Variants in CYP11A1 observed in about 807,000 individuals in gnomAD.
CYP11A1 encodes the protein cholesterol side-chain cleavage enzyme, mitochondrial.
CYP11A1 carries 25 observed loss-of-function variants against 51.9 expected under a neutral mutation model. That is an observed-to-expected ratio of 0.48 (90% CI 0.35 to 0.67). The LOEUF (loss-of-function observed/expected upper bound fraction) is 0.67. Ranked by LOEUF, CYP11A1 falls within the 30% of genes least tolerant of loss-of-function variation. CYP11A1 has a pLI of 0.00. For missense variants in CYP11A1, 578 were observed against 680.9 expected (o/e 0.85, Z 1.68); for synonymous variants, 245 against 262.1 (o/e 0.93, Z 0.63).
rs753531363 is a variant in CYP11A1, at chr15:74,338,714, CGAA to C, written c.1288_1290del (p.Phe430del). On this transcript the variant is annotated inframe_deletion, in exon 8 of 9. Coordinates refer to ENST00000268053, the MANE Select transcript of CYP11A1 (RefSeq NM_000781.3). ...CGGGTTGGGTCAAAATTTTCCGGGT[CGAA>C]GAAGAAGGTGGGCTCTCGGCCCAGA... 7 of 1,614,144 alleles carry C rather than the reference CGAA, an allele frequency of 4.3e-6. No individual in the cohort carries two copies. The highest frequency in any genetic ancestry group is 1.3e-5 in the African/African-American group (1 of 75,018).
Position 74,343,335 on chromosome 15 carries a change from C to T in CYP11A1, c.830-198G>A, listed in dbSNP as rs1169412298. The stretch of plus-strand genomic sequence containing the variant: ...TTCATCGAATTCTTGGGGTATGTGA[C>T]ATCATCCCCATTTTACAGATAACAG... On this transcript the variant is annotated intron_variant, in intron 4 of 8. Coordinates refer to ENST00000268053, the MANE Select transcript of CYP11A1 (RefSeq NM_000781.3). 3.3e-5 allele frequency among the ~76,000 whole-genome samples: 5 copies of T among 152,260 alleles called. No homozygotes were observed. The East Asian group carries it at 7.7e-4, about 23-fold the overall frequency.
chr15:74,363,489 C>T (rs1004661396), intron 1 of CYP11A1: 2 of 152,186 alleles, frequency 1.3e-5, no homozygotes, highest in Admixed American at 6.5e-5. Context: ...CTCACCCAGC[C>T]GTGAGTAAAC....
rs1045718823 is a variant in CYP11A1, at chr15:74,361,533, G to C, written c.269+5784C>G. On this transcript the variant is annotated intron_variant, in intron 1 of 8. Coordinates refer to ENST00000268053, the MANE Select transcript of CYP11A1 (RefSeq NM_000781.3). ...TTGCAGATGCCGTCACTGCCACCAG[G>C]AGCCCTGTACTATCAGCCATGGTCA... is the stretch of plus-strand genomic sequence containing the variant. 9.3e-6 allele frequency: 6 copies of C among 645,804 alleles called. No individual in the cohort carries two copies. In the African/African-American group the frequency reaches 1.1e-4, roughly 12 times the overall value. The allele number at this position is 645,804 out of a possible 1,614,324, so 40.0% of individuals were successfully genotyped here.
intron 8 of CYP11A1, 104 bp downstream of exon 8, chr15:74,338,467 A>C: frequency 8.3e-7 from 1 of 1,203,830 alleles, no homozygotes; most frequent in Non-Finnish European, 1.2e-6. Context: ...GCGCCCCAGC[A>C]CTGACATCCT....
intron 1 of CYP11A1, 65 bp downstream of exon 1, chr15:74,367,252 C>T (rs2060738127): frequency 6.3e-7 from 1 of 1,593,692 alleles, no homozygotes. Context: ...GTGGGGACTA[C>T]AGCAGGGCTA....
Position 74,347,966 on chromosome 15 carries a change from CG to C in CYP11A1, c.358del (p.Arg120AspfsTer18), listed in dbSNP as rs1287871034. The C allele has an allele frequency of 2.5e-6, 4 of 1,614,078 alleles. No individual in the cohort carries two copies. The highest frequency in any genetic ancestry group is 3.4e-6 in the Non-Finnish European group (4 of 1,180,048). On this transcript the variant is annotated frameshift_variant, in exon 2 of 9. Transcript: ENST00000268053. LOFTEE classifies it high-confidence loss of function. The stretch of plus-strand genomic sequence containing the variant: ...GGCGACCCAGGGCGGGATGAGGAAT[CG>C]TTCTGGGTTGGGGCCCTCGGACTTA... ...LFKSEGPNPE[R>X]FLIPPWVAYH...
At chr15:74,343,733 G>A (rs560754203) in intron 4 of CYP11A1, 56 bp downstream of exon 4, 310 of 1,493,780 alleles carry the variant, frequency 2.1e-4, no homozygotes, top group Non-Finnish European at 2.8e-4. Context: ...TGGGACAAAG[G>A]AGCCGGCTGA....
intron 1 of CYP11A1, chr15:74,366,277 ATTT>A (rs759681873): frequency 0.011 from 8,121 of 765,246 alleles, no homozygotes; most frequent in South Asian, 0.013. Flanking sequence ...CCCTCCCCCG[ATTT>A]TTTTTTTTTT....
chr15:74,337,992 G>A lies in CYP11A1; in HGVS notation c.1546C>T (p.Gln516Ter), dbSNP rs1368450780. The change falls in exon 9 of 9, where the codon CAG (glutamine) becomes TAG (stop). Residue 516 changes from glutamine (Q) to a stop codon, truncating the protein, a stop_gained. Transcript: ENST00000268053. LOFTEE classifies it high-confidence loss of function. Reference protein sequence around the residue: ...PISFTFWPFNQEATQQ With the variant: ...PISFTFWPFN ...TCTGATCACTGCTGGGTTGCTTCCTGGTTAAAGGGCCAGAAGGTGAAGGAG... is the reference window on the plus strand; with the variant it reads ...TCTGATCACTGCTGGGTTGCTTCCTAGTTAAAGGGCCAGAAGGTGAAGGAG... 3 of 1,614,106 alleles carry A rather than the reference G, an allele frequency of 1.9e-6. No homozygotes were observed. Among genetic ancestry groups the A allele is most frequent in the Non-Finnish European group, 2.5e-6 (3 of 1,180,028 alleles).
intron 1 of CYP11A1, chr15:74,365,513 G>T: frequency 4.2e-6 from 1 of 240,046 alleles, no homozygotes; most frequent in Non-Finnish European, 6.7e-6. Context: ...AAGGTGTGCG[G>T]AGGGTAACGG....
intron 8 of CYP11A1, 114 bp downstream of exon 8, chr15:74,338,457 G>T: frequency 9.1e-7 from 1 of 1,100,090 alleles, no homozygotes. Context: ...GGAGGTAGAT[G>T]CGCCCCAGCA....
chr15:74,359,680 C>T (rs369966311), intron 1 of CYP11A1: 6 of 152,256 alleles, frequency 3.9e-5, no homozygotes, highest in Admixed American at 1.3e-4. Flanking sequence ...TATCTCCCTT[C>T]GCTGACTCTC....
At chr15:74,360,448 T>A (rs533300387) in intron 1 of CYP11A1, among the ~76,000 whole-genome samples, 77 of 152,084 alleles carry the variant, frequency 5.1e-4, no homozygotes, top group African/African-American at 1.8e-3. Flanking sequence ...ACCTGGCTAA[T>A]TTTTTATTAT....
chr15:74,347,910 C>T lies in CYP11A1; in HGVS notation c.415G>A (p.Val139Ile). 6.2e-7 allele frequency: 1 copy of T among 1,614,196 alleles called. No individual in the cohort carries two copies. ...TGGCCCAGGACTCACTTCAACAGGA[C>T]TCCTATGGGTCTCTGGTAATACTGG... ...YHQYYQRPIGVLLKKSAAWKK... is the reference protein window; with the variant it reads ...YHQYYQRPIGILLKKSAAWKK... The change falls in exon 2 of 9, where the codon GTC becomes ATC. Residue 139 changes from valine (V) to isoleucine (I), a missense_variant. Transcript: ENST00000268053.
In CYP11A1 at chr15:74,345,468, CA is replaced by C. The variant is rs2060628885; in HGVS notation, c.426-226del. The stretch of plus-strand genomic sequence containing the variant: ...AAGGAAAAAAGAGAGTGAAGGGGAA[CA>C]AAACTCCAACTCCCCTCCACTCCCT... On this transcript the variant is annotated intron_variant, in intron 2 of 8. Transcript: ENST00000268053. This position sits in a 1 kb window ranked among gnomAD's most constrained non-coding sequence, Gnocchi z 4.3. Among the ~76,000 whole-genome samples the C allele has an allele frequency of 6.6e-6, 1 of 152,168 alleles. No homozygotes were observed. Among genetic ancestry groups the C allele is most frequent in the Non-Finnish European group, 1.5e-5 (1 of 68,034 alleles).
At chr15:74,354,412 A>C (rs984186718) in intron 1 of CYP11A1, 1 of 151,964 alleles carries the variant, frequency 6.6e-6, no homozygotes, top group African/African-American at 2.4e-5. Flanking sequence ...ATCCTATAAA[A>C]CAGCCCCACC....
chr15:74,337,814 G>C lies in CYP11A1; in HGVS notation c.*158C>G, dbSNP rs2060585656. 1.1e-6 allele frequency: 1 copy of C among 899,564 alleles called. No homozygotes were observed. The highest frequency in any genetic ancestry group is 1.4e-5 in the South Asian group (1 of 70,808). The allele number at this position is 899,564 out of a possible 1,614,324, so 55.7% of individuals were successfully genotyped here. ...GGGGTGGGTGAAGAGGAGTGGCCCA[G>C]CTGAGCTGAGGAAGGTGACCACTGA... On this transcript the variant is annotated 3_prime_UTR_variant, in exon 9 of 9. Transcript: ENST00000268053.
At chr15:74,341,716 C>A (rs574790505) in intron 5 of CYP11A1, among the ~76,000 whole-genome samples, 1 of 152,334 alleles carries the variant, frequency 6.6e-6, no homozygotes, top group South Asian at 2.1e-4. Context: ...GAAGTCCTAA[C>A]CCTCAGAACC....
At chr15:74,360,940 GACTACTAGAA>G (rs1228509904) in intron 1 of CYP11A1, among the ~76,000 whole-genome samples, 2 of 152,182 alleles carry the variant, frequency 1.3e-5, no homozygotes, top group Non-Finnish European at 2.9e-5. Flanking sequence ...ATGCAATTAA[GACTACTAGAA>G]ACAGTTTTAC....
Sources: gnomAD v4.1 joint callset for allele counts (sites outside exome capture counted in the v4.1 genomes callset) on GRCh38, gnomAD v4.1.1 for gene constraint, Gnocchi (gnomAD v3.1) non-coding constraint, MANE v1.5 for transcripts, NCBI Gene and HGNC (gene_info 2026-07-23, HGNC 2026-07-21) for gene names.